Variants in REDIC1 observed in about 807,000 individuals in gnomAD.
REDIC1 encodes the protein regulator of DNA class I crossover intermediates 1, also known as HEI10 Interacting Protein 1.
At chr12:39,748,157 G>A in the REDIC1 span, among the ~76,000 whole-genome samples, 469 of 152,248 alleles carry the variant, frequency 3.1e-3, 5 homozygotes, top group African/African-American at 0.011. Context: ...AGACCCATCA[G>A]TGTGCTGTAT....
At chr12:39,807,653 C>G in the REDIC1 span, among the ~76,000 whole-genome samples, 3 of 152,084 alleles carry the variant, frequency 2.0e-5, no homozygotes, top group African/African-American at 7.2e-5. Flanking sequence ...AAAATGGATA[C>G]ATGATTTAGT....
At chr12:39,686,033 G>C in the REDIC1 span, among the ~76,000 whole-genome samples, 1 of 152,242 alleles carries the variant, frequency 6.6e-6, no homozygotes, top group Non-Finnish European at 1.5e-5. Context: ...CCCTGCCTCT[G>C]TGGTTTTGCA....
At chr12:39,871,475 A>G in the REDIC1 span, among the ~76,000 whole-genome samples, 24 of 120,302 alleles carry the variant, frequency 2.0e-4, no homozygotes, top group African/African-American at 7.9e-4. Flanking sequence ...TAGTTTTTCA[A>G]AAAAGGATAG....
chr12:39,643,130 T>A, the REDIC1 span, among the ~76,000 whole-genome samples: 2 of 151,700 alleles, frequency 1.3e-5, no homozygotes, highest in Non-Finnish European at 3.0e-5. Flanking sequence ...AAATAAATAT[T>A]AGTTAATTTT....
the REDIC1 span, among the ~76,000 whole-genome samples, chr12:39,696,886 CAA>C: frequency 6.6e-6 from 1 of 151,332 alleles, no homozygotes; most frequent in East Asian, 1.9e-4. Context: ...TCAGAGGAGA[CAA>C]AAGAAAAAAT....
At chr12:39,655,700 C>T in the REDIC1 span, among the ~76,000 whole-genome samples, 10 of 152,246 alleles carry the variant, frequency 6.6e-5, no homozygotes, top group Non-Finnish European at 1.3e-4. Context: ...CCTTCCATTA[C>T]GGGGCTCTCC....
the REDIC1 span, among the ~76,000 whole-genome samples, chr12:39,782,356 T>C: frequency 6.6e-6 from 1 of 152,102 alleles, no homozygotes; most frequent in East Asian, 1.9e-4. Context: ...GCCGGTCTTT[T>C]CTATGCTATT....
chr12:39,721,136 A>G, the REDIC1 span: 1 of 1,613,746 alleles, frequency 6.2e-7, no homozygotes, highest in South Asian at 1.1e-5. Context: ...ATACAGTGTG[A>G]TCTAATTTCA....
the REDIC1 span, among the ~76,000 whole-genome samples, chr12:39,656,218 C>T: frequency 6.6e-6 from 1 of 152,124 alleles, no homozygotes; most frequent in South Asian, 2.1e-4. Context: ...GGGAAGTATT[C>T]CATCATGTTT....
the REDIC1 span, among the ~76,000 whole-genome samples, chr12:39,633,957 A>G: frequency 1.3e-5 from 2 of 152,092 alleles, no homozygotes; most frequent in Non-Finnish European, 2.9e-5. Flanking sequence ...GTTTTTTCCA[A>G]CTCTGTAAAG....
At chr12:39,893,593 G>A in the REDIC1 span, among the ~76,000 whole-genome samples, 5 of 152,140 alleles carry the variant, frequency 3.3e-5, no homozygotes, top group Admixed American at 6.5e-5. Context: ...GAGCCACCAC[G>A]CCAGGCCTAC....
At chr12:39,891,344 C>T in the REDIC1 span, among the ~76,000 whole-genome samples, 3 of 151,638 alleles carry the variant, frequency 2.0e-5, no homozygotes, top group Non-Finnish European at 4.4e-5. Context: ...AGGAGGGACC[C>T]GCACTGTTTC....
chr12:39,857,639 T>C, the REDIC1 span, among the ~76,000 whole-genome samples: 1 of 152,230 alleles, frequency 6.6e-6, no homozygotes, highest in Non-Finnish European at 1.5e-5. Context: ...AATCTGATAA[T>C]GTCATTCTCA....
At chr12:39,887,337 A>C in the REDIC1 span, among the ~76,000 whole-genome samples, 94 of 152,258 alleles carry the variant, frequency 6.2e-4, no homozygotes, top group African/African-American at 2.2e-3. Flanking sequence ...GTTATATCCC[A>C]AAAGTACCCT....
the REDIC1 span, among the ~76,000 whole-genome samples, chr12:39,836,495 T>C: frequency 2.0e-4 from 31 of 151,812 alleles, no homozygotes; most frequent in South Asian, 1.0e-3. Context: ...CCAGGGCAAT[T>C]AGGCAGGAGA....
At chr12:39,855,126 C>T in the REDIC1 span, among the ~76,000 whole-genome samples, 1 of 152,194 alleles carries the variant, frequency 6.6e-6, no homozygotes, top group South Asian at 2.1e-4. Context: ...ATACCATTTA[C>T]ATTCACTATG....
the REDIC1 span, among the ~76,000 whole-genome samples, chr12:39,682,351 A>G: frequency 3.0e-4 from 45 of 152,230 alleles, no homozygotes; most frequent in African/African-American, 9.1e-4. Context: ...TCATGTTTTA[A>G]TTAAACCTCA....
chr12:39,712,061 C>CCTACCTGT, the REDIC1 span, among the ~76,000 whole-genome samples: 1,951 of 67,876 alleles, frequency 0.029, 57 homozygotes, highest in African/African-American at 0.072. Context: ...TGTATATATA[C>CCTACCTGT]ATGTATATAT....
chr12:39,681,994 T>TA, the REDIC1 span, among the ~76,000 whole-genome samples: 1 of 48,356 alleles, frequency 2.1e-5, no homozygotes, highest in South Asian at 4.3e-4. Context: ...AAATTGGACT[T>TA]AACCTAGAAT....
Sources: gnomAD v4.1 joint callset for allele counts (sites outside exome capture counted in the v4.1 genomes callset) on GRCh38, gnomAD v4.1.1 for gene constraint, MANE v1.5 for transcripts, NCBI Gene and HGNC (gene_info 2026-07-23, HGNC 2026-07-21) for gene names.